The following ACER3 variants were observed in gnomAD, a reference collection of about 807,000 sequenced individuals.
ACER3 encodes the protein alkaline ceramidase 3.
ACER3 carries 16 observed loss-of-function variants against 48.9 expected under a neutral mutation model. That is an observed-to-expected ratio of 0.33 (90% CI 0.22 to 0.50). ACER3 has a LOEUF of 0.50. Ranked by LOEUF, ACER3 falls within the 20% of genes least tolerant of loss-of-function variation. ACER3 has a pLI of 0.98. For synonymous variants in ACER3, 109 were observed against 107.8 expected (o/e 1.01, Z -0.07); for missense variants, 227 against 326.0 (o/e 0.70, Z 2.34).
chr11:76,983,685 T>C lies in ACER3; in HGVS notation c.321-1958T>C, dbSNP rs11237049. On this transcript the variant is annotated intron_variant, in intron 4 of 10. Coordinates refer to ENST00000532485, the MANE Select transcript of ACER3 (RefSeq NM_018367.7). ...AGCATTTAGAAATATAAGTGATTTT[T>C]GTATATTGACCTTTTATCTTATCAC... Among the ~76,000 whole-genome samples the C allele has an allele frequency of 2.1e-4, 32 of 152,350 alleles. No individual in the cohort carries two copies. The East Asian group carries it at 4.6e-3, about 22-fold the overall frequency.
chr11:76,911,602 G>T (rs1218395346), intron 1 of ACER3, among the ~76,000 whole-genome samples: 2 of 152,128 alleles, frequency 1.3e-5, no homozygotes, highest in Admixed American at 6.6e-5. Flanking sequence ...TCAAGATGGA[G>T]TTGCCCTGGT....
chr11:76,864,236 A>C lies in ACER3; in HGVS notation c.103+3157A>C, dbSNP rs111821528. 1.2e-3 allele frequency among the ~76,000 whole-genome samples: 181 copies of C among 152,302 alleles called. 1 individual carries two copies. The Middle Eastern group carries it at 0.048, about 40-fold the overall frequency. On this transcript the variant is annotated intron_variant, in intron 1 of 10. Coordinates refer to ENST00000532485, the MANE Select transcript of ACER3 (RefSeq NM_018367.7). ...CCAGAGGAAAAGGTCTCTCATTGTG[A>C]AATAATAAGCCCCTTGACCTGCCAG...
chr11:76,954,755 C>T (rs951506676), intron 2 of ACER3, among the ~76,000 whole-genome samples: 3 of 152,076 alleles, frequency 2.0e-5, no homozygotes, highest in Middle Eastern at 3.2e-3. Flanking sequence ...ACTATGCCAT[C>T]ACACCCAGTT....
chr11:76,870,573 A>T (rs925416981), intron 1 of ACER3, among the ~76,000 whole-genome samples: 3 of 152,240 alleles, frequency 2.0e-5, no homozygotes, highest in Admixed American at 2.0e-4. Context: ...ATGTGGTAGC[A>T]GAGTAGCTAT....
intron 3 of ACER3, among the ~76,000 whole-genome samples, chr11:76,960,757 C>A (rs1185667924): frequency 6.6e-6 from 1 of 152,188 alleles, no homozygotes; most frequent in East Asian, 1.9e-4. Context: ...GGTATTTGCA[C>A]ATCAAGGCAG....
chr11:76,977,154 T>A (rs540677042), intron 4 of ACER3, among the ~76,000 whole-genome samples: 18 of 152,352 alleles, frequency 1.2e-4, no homozygotes, highest in Admixed American at 3.9e-4. Context: ...AACTTGTCTA[T>A]GGACAAAAAC....
At chr11:76,981,267 C>A in intron 4 of ACER3, among the ~76,000 whole-genome samples, 1 of 152,222 alleles carries the variant, frequency 6.6e-6, no homozygotes, top group Middle Eastern at 3.4e-3. Flanking sequence ...ATCTTCTGCA[C>A]TATCTGTTTA....
chr11:76,942,798 G>T (rs1191819822), intron 2 of ACER3, among the ~76,000 whole-genome samples: 1 of 151,770 alleles, frequency 6.6e-6, no homozygotes, highest in East Asian at 1.9e-4. Context: ...CTTGGCTGTG[G>T]ATCCATCTAC....
At chr11:76,898,954 C>T (rs1422580507) in intron 1 of ACER3, among the ~76,000 whole-genome samples, 1 of 148,774 alleles carries the variant, frequency 6.7e-6, no homozygotes, top group Non-Finnish European at 1.5e-5. Context: ...GATCTTCCTA[C>T]CACCAGAGGA....
At chr11:76,994,079 A>G (rs981509865) in intron 6 of ACER3, 2 of 436,074 alleles carry the variant, frequency 4.6e-6, no homozygotes, top group Admixed American at 2.6e-5. Flanking sequence ...GCATCTGAAC[A>G]TTCCTATTTT....
At chr11:77,007,434 A>AG (rs1404684243) in intron 7 of ACER3, among the ~76,000 whole-genome samples, 1 of 152,148 alleles carries the variant, frequency 6.6e-6, no homozygotes. Context: ...TTGGCAAGCC[A>AG]GGGGGAGAAG....
intron 1 of ACER3, among the ~76,000 whole-genome samples, chr11:76,905,918 A>G (rs1946218362): frequency 6.6e-6 from 1 of 152,246 alleles, no homozygotes; most frequent in South Asian, 2.1e-4. Context: ...AGTGATACAC[A>G]CCAAATTAAC....
intron 1 of ACER3, among the ~76,000 whole-genome samples, chr11:76,879,809 T>G (rs1473348269): frequency 6.6e-6 from 1 of 152,202 alleles, no homozygotes; most frequent in Non-Finnish European, 1.5e-5. Context: ...TTGATTTGCT[T>G]GTATTTTTGG....
chr11:76,930,420 C>T (rs1946963660), intron 2 of ACER3, among the ~76,000 whole-genome samples: 1 of 152,132 alleles, frequency 6.6e-6, no homozygotes, highest in Non-Finnish European at 1.5e-5. Context: ...AAACCAGCTC[C>T]TGGATTCTTT....
At chr11:77,005,784 C>A (rs1949122856) in intron 7 of ACER3, among the ~76,000 whole-genome samples, 1 of 151,248 alleles carries the variant, frequency 6.6e-6, no homozygotes, top group Admixed American at 6.6e-5. Context: ...TAATATAAAC[C>A]CATCTTAAAT....
intron 2 of ACER3, among the ~76,000 whole-genome samples, chr11:76,954,911 T>C (rs779005439): frequency 6.6e-6 from 1 of 152,190 alleles, no homozygotes; most frequent in Non-Finnish European, 1.5e-5. Flanking sequence ...CCCCTTTTTG[T>C]ATTTTTAATG....
At chr11:76,959,954 G>T (rs1024290520) in intron 3 of ACER3, among the ~76,000 whole-genome samples, 27 of 152,056 alleles carry the variant, frequency 1.8e-4, no homozygotes, top group Non-Finnish European at 3.5e-4. Flanking sequence ...TCTGAGGAGG[G>T]CATATATGTC....
At chr11:77,012,576 C>A (rs6592694) in intron 7 of ACER3, among the ~76,000 whole-genome samples, 111,422 of 152,016 alleles carry the variant, frequency 0.73, 41,127 homozygotes, top group Non-Finnish European at 0.77. Flanking sequence ...ATTAAAATAC[C>A]TTAAATGTTT....
At chr11:76,927,232 G>A (rs1016352949) in intron 2 of ACER3, among the ~76,000 whole-genome samples, 1 of 152,124 alleles carries the variant, frequency 6.6e-6, no homozygotes, top group African/African-American at 2.4e-5. Flanking sequence ...TATTCTACTT[G>A]TCTGTGAGGT....
Sources: gnomAD v4.1 joint callset for allele counts (sites outside exome capture counted in the v4.1 genomes callset) on GRCh38, gnomAD v4.1.1 for gene constraint, MANE v1.5 for transcripts, NCBI Gene and HGNC (gene_info 2026-07-23, HGNC 2026-07-21) for gene names.